The following RBFOX2 variants were observed in gnomAD, a reference collection of about 807,000 sequenced individuals.
RBFOX2 encodes RNA binding fox-1 homolog 2.
RBFOX2 carries 10 observed loss-of-function variants against 49.1 expected under a neutral mutation model. The ratio of observed to expected loss-of-function variants is 0.20; its 90% CI spans 0.13 to 0.35. The LOEUF (loss-of-function observed/expected upper bound fraction) is 0.35, where lower values mean the gene tolerates loss of function less well. Ranked by LOEUF, RBFOX2 falls within the 10% of genes least tolerant of loss-of-function variation. RBFOX2 has a pLI of 1.00. For missense variants in RBFOX2, 323 were observed against 486.9 expected, an observed-to-expected ratio of 0.66 and a Z score of 3.17; for synonymous variants, 183 against 187.4, an observed-to-expected ratio of 0.98 and a Z score of 0.19.
At chr22:35,970,593 C>T (rs1156792789) in intron 1 of RBFOX2, among the ~76,000 whole-genome samples, 1 of 151,818 alleles carries the variant, frequency 6.6e-6, no homozygotes, top group South Asian at 2.1e-4. Context: ...CCCAGGAGCT[C>T]GGGACTGCAG....
chr22:35,816,642 A>C (rs536424331), intron 1 of RBFOX2, among the ~76,000 whole-genome samples: 5 of 152,306 alleles, frequency 3.3e-5, no homozygotes, highest in Admixed American at 3.3e-4. Context: ...TTCGCTTTTC[A>C]CTTGGTTGTC....
intron 1 of RBFOX2, among the ~76,000 whole-genome samples, chr22:36,007,885 C>CT (rs542970377): frequency 4.0e-5 from 6 of 151,412 alleles, no homozygotes; most frequent in African/African-American, 1.2e-4. Context: ...ATGAATGTAC[C>CT]TTTTTTTTTC....
upstream of RBFOX2, among the ~76,000 whole-genome samples, chr22:35,962,108 C>A (rs962052318): frequency 1.3e-5 from 2 of 152,184 alleles, no homozygotes; most frequent in Non-Finnish European, 2.9e-5. Flanking sequence ...CACAGTGTTC[C>A]GCTGTTTCCT....
At chr22:35,854,526 C>G (rs1404988801) in intron 1 of RBFOX2, among the ~76,000 whole-genome samples, 1 of 150,558 alleles carries the variant, frequency 6.6e-6, no homozygotes, top group Admixed American at 6.6e-5. Flanking sequence ...CCCAGGAGGT[C>G]AAGGTTACAG....
At chr22:35,869,261 C>T (rs912197172) in intron 1 of RBFOX2, among the ~76,000 whole-genome samples, 7 of 151,858 alleles carry the variant, frequency 4.6e-5, no homozygotes, top group African/African-American at 9.7e-5. Context: ...TGGGTTCAAG[C>T]GATTCTCTGC....
chr22:35,758,452 C>G (rs888958492), intron 9 of RBFOX2, among the ~76,000 whole-genome samples: 4 of 152,150 alleles, frequency 2.6e-5, no homozygotes, highest in Admixed American at 2.6e-4. Flanking sequence ...TGGATTACAA[C>G]GGAAGACATT....
intron 2 of RBFOX2, among the ~76,000 whole-genome samples, chr22:35,790,598 T>A (rs1354892216): frequency 1.3e-5 from 2 of 152,246 alleles, no homozygotes; most frequent in African/African-American, 4.8e-5. Context: ...TCAGTATTTC[T>A]TATTGCCTAG....
chr22:35,832,017 T>A (rs1399094811), intron 1 of RBFOX2, among the ~76,000 whole-genome samples: 1 of 152,180 alleles, frequency 6.6e-6, no homozygotes, highest in Non-Finnish European at 1.5e-5. Flanking sequence ...CAAGGTAATA[T>A]CCCTTCATTT....
chr22:35,977,745 T>G (rs1404536117), intron 1 of RBFOX2, among the ~76,000 whole-genome samples: 5 of 139,008 alleles, frequency 3.6e-5, no homozygotes, highest in African/African-American at 1.3e-4. Context: ...TATATATATA[T>G]ATATATATAT....
intron 1 of RBFOX2, among the ~76,000 whole-genome samples, chr22:35,915,212 T>C (rs575393068): frequency 5.3e-5 from 8 of 152,342 alleles, no homozygotes; most frequent in African/African-American, 1.2e-4. Context: ...TTAGCACACA[T>C]GTGCAGGGCA....
chr22:35,888,039 A>AC (rs1468203401), intron 1 of RBFOX2, among the ~76,000 whole-genome samples: 1 of 152,102 alleles, frequency 6.6e-6, no homozygotes, highest in African/African-American at 2.4e-5. Context: ...GCCTCATACT[A>AC]CACAGAGTCC....
intron 4 of RBFOX2, among the ~76,000 whole-genome samples, chr22:35,777,479 G>A (rs549825947): frequency 7.9e-5 from 12 of 152,294 alleles, no homozygotes; most frequent in African/African-American, 2.9e-4. Context: ...GATTGCCTAT[G>A]TGGGTAGAAC....
intron 2 of RBFOX2, among the ~76,000 whole-genome samples, chr22:35,799,054 C>T (rs1949293714): frequency 6.6e-6 from 1 of 152,152 alleles, no homozygotes; most frequent in Non-Finnish European, 1.5e-5. Context: ...CACTAGAAAG[C>T]ACTTGCTAGT....
At chr22:35,838,623 C>T (rs1958136292) in intron 1 of RBFOX2, among the ~76,000 whole-genome samples, 1 of 152,192 alleles carries the variant, frequency 6.6e-6, no homozygotes, top group African/African-American at 2.4e-5. Context: ...GCGCTTCAGC[C>T]TGCGCATTCG....
intron 1 of RBFOX2, among the ~76,000 whole-genome samples, chr22:35,823,410 G>C (rs1954958428): frequency 6.6e-6 from 1 of 152,076 alleles, no homozygotes; most frequent in African/African-American, 2.4e-5. Context: ...ATTTGTTTTA[G>C]CTTTTCCAGA....
intron 11 of RBFOX2, 78 bp from the exon 14 acceptor site, chr22:35,744,327 G>A: frequency 2.9e-6 from 4 of 1,368,102 alleles, no homozygotes; most frequent in Non-Finnish European, 4.0e-6. Flanking sequence ...TGTCCAGAGA[G>A]GGATCTAGAA....
chr22:35,781,586 C>T lies in RBFOX2; in HGVS notation c.399+14G>A. 1 of 1,611,808 alleles carries T rather than the reference C, an allele frequency of 6.2e-7. No individual in the cohort carries two copies. The highest frequency in any genetic ancestry group is 1.1e-5 in the South Asian group (1 of 90,818). ...TTTAATTGTAAAATCCATAAAAAGA[C>T]TTCAGAGACTTACCCCAAACATCTG... On this transcript the variant is annotated intron_variant, in intron 3 of 11. Coordinates refer to ENST00000405409, the Ensembl canonical transcript of RBFOX2.
chr22:35,909,616 G>A (rs1031869561), intron 1 of RBFOX2, among the ~76,000 whole-genome samples: 5 of 152,180 alleles, frequency 3.3e-5, no homozygotes, highest in African/African-American at 4.8e-5. Flanking sequence ...ATGTCTCCGA[G>A]CAATGTCTTC....
intron 7 of RBFOX2, 43 bp downstream of exon 8, chr22:35,761,361 GCAGATGCTATT>G: frequency 3.1e-6 from 5 of 1,610,596 alleles, no homozygotes; most frequent in Non-Finnish European, 4.2e-6. Context: ...TTGAAAAACA[GCAGATGCTATT>G]ACAATTAAAT....
Sources: gnomAD v4.1 joint callset for allele counts (sites outside exome capture counted in the v4.1 genomes callset) on GRCh38, gnomAD v4.1.1 for gene constraint, MANE v1.5 for transcripts, NCBI Gene and HGNC (gene_info 2026-07-23, HGNC 2026-07-21) for gene names.